PIERCE1: variants seen among roughly 807,000 people sequenced by gnomAD.
PIERCE1 encodes the protein piercer of microtubule wall 1 protein.
the PIERCE1 span, chr9:135,495,507 G>A: frequency 1.2e-6 from 2 of 1,614,096 alleles, no homozygotes; most frequent in Non-Finnish European, 1.7e-6. Context: ...CAGTTATCGG[G>A]GCCAGTCACG....
the PIERCE1 span, chr9:135,495,760 C>T: frequency 1.5e-6 from 1 of 689,582 alleles, no homozygotes; most frequent in South Asian, 1.9e-5. Context: ...CCAGACCATC[C>T]TAATCCATGC....
At chr9:135,497,970 G>A in the PIERCE1 span, among the ~76,000 whole-genome samples, 1 of 152,184 alleles carries the variant, frequency 6.6e-6, no homozygotes, top group African/African-American at 2.4e-5. Flanking sequence ...TCCCAGGTGT[G>A]CAGGAGACAC....
the PIERCE1 span, among the ~76,000 whole-genome samples, chr9:135,496,854 A>G: frequency 2.6e-4 from 38 of 146,256 alleles, no homozygotes; most frequent in Admixed American, 5.6e-4. Context: ...CCGGCGTGCA[A>G]TGGCGCCATC....
the PIERCE1 span, chr9:135,499,526 CT>C: frequency 1.5e-5 from 13 of 850,880 alleles, no homozygotes; most frequent in Non-Finnish European, 2.4e-5. Context: ...TCCCCACTTC[CT>C]TGTATGAGGC....
chr9:135,495,648 G>A, the PIERCE1 span: 18 of 1,514,194 alleles, frequency 1.2e-5, no homozygotes, highest in African/African-American at 2.8e-5. Context: ...GATTAATGAC[G>A]TATAATACTC....
the PIERCE1 span, chr9:135,498,610 C>T: frequency 6.2e-7 from 1 of 1,614,082 alleles, no homozygotes; most frequent in Non-Finnish European, 8.5e-7. The surrounding 1 kb of genome is among the most constrained non-coding windows in gnomAD (Gnocchi z 4.1). Context: ...GGTGGGGGCT[C>T]TGCTCCCGTA....
chr9:135,499,768 G>T, the PIERCE1 span: 1 of 1,607,076 alleles, frequency 6.2e-7, no homozygotes, highest in Non-Finnish European at 8.5e-7. Flanking sequence ...CGCTCACGCG[G>T]TAGTAGTCGC....
At chr9:135,497,734 C>G in the PIERCE1 span, among the ~76,000 whole-genome samples, 3 of 152,158 alleles carry the variant, frequency 2.0e-5, no homozygotes, top group Non-Finnish European at 4.4e-5. Context: ...TGTGTCTGGT[C>G]TTTTTCATAG....
At chr9:135,495,433 G>A in the PIERCE1 span, 12 of 1,613,128 alleles carry the variant, frequency 7.4e-6, no homozygotes, top group Admixed American at 1.7e-5. Context: ...CCCCTCAATC[G>A]CAGATGGATG....
the PIERCE1 span, chr9:135,499,503 C>A: frequency 5.3e-6 from 4 of 759,588 alleles, no homozygotes; most frequent in Admixed American, 2.0e-5. Context: ...GGCCCTGCCC[C>A]CCACTGCCCT....
the PIERCE1 span, chr9:135,495,230 C>T: frequency 1.1e-4 from 62 of 562,022 alleles, no homozygotes; most frequent in Non-Finnish European, 8.7e-5. Flanking sequence ...AGCATCTTTC[C>T]CATGTACTTA....
chr9:135,496,593 C>T, the PIERCE1 span, among the ~76,000 whole-genome samples: 40 of 152,250 alleles, frequency 2.6e-4, no homozygotes, highest in East Asian at 5.8e-3. Flanking sequence ...ACAGAAAGTA[C>T]GGAGAGTTCC....
At chr9:135,499,723 C>T in the PIERCE1 span, 1 of 1,608,110 alleles carries the variant, frequency 6.2e-7, no homozygotes, top group East Asian at 2.2e-5. Flanking sequence ...AGCCCCGGAA[C>T]CACCCCGGGT....
chr9:135,498,172 A>G, the PIERCE1 span, among the ~76,000 whole-genome samples: 18 of 152,176 alleles, frequency 1.2e-4, 1 homozygote, highest in Admixed American at 9.2e-4. The surrounding 1 kb of genome is among the most constrained non-coding windows in gnomAD (Gnocchi z 4.1). Flanking sequence ...CTGCCTCTTC[A>G]GGTTACACGT....
At chr9:135,499,499 G>GC in the PIERCE1 span, 5 of 745,642 alleles carry the variant, frequency 6.7e-6, no homozygotes, top group Non-Finnish European at 1.2e-5. Context: ...CCACGGCCCT[G>GC]CCCCCCACTG....
chr9:135,498,471 C>G, the PIERCE1 span: 1 of 855,124 alleles, frequency 1.2e-6, no homozygotes, highest in African/African-American at 1.7e-5. The surrounding 1 kb of genome is among the most constrained non-coding windows in gnomAD (Gnocchi z 4.1). Context: ...GGCCTCCTCC[C>G]TGGGTGCACC....
chr9:135,495,510 C>T, the PIERCE1 span: 2 of 1,614,090 alleles, frequency 1.2e-6, no homozygotes, highest in Non-Finnish European at 1.7e-6. Context: ...TTATCGGGGC[C>T]AGTCACGATG....
At chr9:135,499,718 C>T in the PIERCE1 span, 1 of 1,608,052 alleles carries the variant, frequency 6.2e-7, no homozygotes, top group Non-Finnish European at 8.5e-7. Flanking sequence ...CCTGTAGCCC[C>T]GGAACCACCC....
the PIERCE1 span, chr9:135,495,448 G>A: frequency 1.2e-6 from 2 of 1,614,030 alleles, no homozygotes; most frequent in East Asian, 2.2e-5. Context: ...TGGATGGCCT[G>A]TTGATGTTGT....
Sources: gnomAD v4.1 joint callset for allele counts (sites outside exome capture counted in the v4.1 genomes callset) on GRCh38, gnomAD v4.1.1 for gene constraint, Gnocchi (gnomAD v3.1) non-coding constraint, MANE v1.5 for transcripts, NCBI Gene and HGNC (gene_info 2026-07-23, HGNC 2026-07-21) for gene names.